QTMAN: variants seen among roughly 807,000 people sequenced by gnomAD.
QTMAN encodes the protein queuosine-tRNA mannosyltransferase.
the QTMAN span, among the ~76,000 whole-genome samples, chr2:144,132,033 CTGAATATTCAGGTGAATATATTCAGG>C: frequency 6.6e-6 from 1 of 151,772 alleles, no homozygotes; most frequent in African/African-American, 2.4e-5. Context: ...CTGAACATGC[CTGAATATTCAGGTGAATATATTCAGG>C]TGAATATTCA....
the QTMAN span, among the ~76,000 whole-genome samples, chr2:144,271,155 G>A: frequency 2.0e-5 from 3 of 152,150 alleles, no homozygotes; most frequent in Non-Finnish European, 4.4e-5. Context: ...TTCATAGGAA[G>A]GGTAAGTGTA....
the QTMAN span, among the ~76,000 whole-genome samples, chr2:143,961,890 T>C: frequency 6.6e-6 from 1 of 152,118 alleles, no homozygotes; most frequent in Non-Finnish European, 1.5e-5. Flanking sequence ...TACTTGCAGC[T>C]GGTGAATGTT....
chr2:144,110,149 C>T, the QTMAN span, among the ~76,000 whole-genome samples: 2 of 152,098 alleles, frequency 1.3e-5, no homozygotes, highest in African/African-American at 4.8e-5. Context: ...CCCAGATGTC[C>T]AACAATGATA....
the QTMAN span, among the ~76,000 whole-genome samples, chr2:144,134,365 C>T: frequency 6.6e-6 from 1 of 152,100 alleles, no homozygotes; most frequent in African/African-American, 2.4e-5. Context: ...ATTTCAGCTA[C>T]ATAGAAATGA....
the QTMAN span, among the ~76,000 whole-genome samples, chr2:144,320,148 A>G: frequency 1.6e-4 from 24 of 152,256 alleles, no homozygotes; most frequent in Admixed American, 1.6e-3. Context: ...ACTTCCATAA[A>G]TAAGGCTTTA....
the QTMAN span, among the ~76,000 whole-genome samples, chr2:144,158,977 G>C: frequency 6.6e-6 from 1 of 151,890 alleles, no homozygotes; most frequent in East Asian, 1.9e-4. Flanking sequence ...TTTACTTTCT[G>C]GCATTTAAAA....
At chr2:144,114,461 A>G in the QTMAN span, among the ~76,000 whole-genome samples, 2 of 152,226 alleles carry the variant, frequency 1.3e-5, no homozygotes, top group Admixed American at 1.3e-4. Context: ...TACACATTTC[A>G]TCAAATGCTA....
the QTMAN span, among the ~76,000 whole-genome samples, chr2:144,011,112 T>G: frequency 1.3e-5 from 2 of 152,158 alleles, no homozygotes; most frequent in African/African-American, 4.8e-5. Flanking sequence ...ATCTATTCAT[T>G]ATAGTGATTG....
the QTMAN span, among the ~76,000 whole-genome samples, chr2:143,987,676 T>C: frequency 6.6e-6 from 1 of 152,230 alleles, no homozygotes; most frequent in African/African-American, 2.4e-5. Flanking sequence ...TGCACATCCA[T>C]TCCTCCCTTG....
At chr2:144,083,768 TGGATACATCA>T in the QTMAN span, among the ~76,000 whole-genome samples, 7 of 151,456 alleles carry the variant, frequency 4.6e-5, no homozygotes, top group Non-Finnish European at 7.4e-5. Flanking sequence ...CTGTGTACTC[TGGATACATCA>T]AGGAACCTCG....
chr2:144,145,973 T>G, the QTMAN span: 1 of 91,924 alleles, frequency 1.1e-5, no homozygotes, highest in Non-Finnish European at 1.9e-5. Flanking sequence ...GTGCAGTTAC[T>G]GAGAAATGTT....
chr2:144,191,319 T>A, the QTMAN span, among the ~76,000 whole-genome samples: 2 of 152,196 alleles, frequency 1.3e-5, no homozygotes, highest in African/African-American at 4.8e-5. Context: ...AAAGTATTTC[T>A]ACTAAAATAA....
At chr2:144,173,653 T>C in the QTMAN span, among the ~76,000 whole-genome samples, 1 of 152,192 alleles carries the variant, frequency 6.6e-6, no homozygotes. Flanking sequence ...TTTCTGGCCT[T>C]TTGTGAGCAA....
the QTMAN span, among the ~76,000 whole-genome samples, chr2:144,042,967 A>G: frequency 6.6e-6 from 1 of 152,078 alleles, no homozygotes; most frequent in Non-Finnish European, 1.5e-5. Flanking sequence ...TAAGAGATCT[A>G]TTCAGAGCAC....
the QTMAN span, among the ~76,000 whole-genome samples, chr2:144,073,224 A>T: frequency 6.7e-6 from 1 of 149,928 alleles, no homozygotes; most frequent in African/African-American, 2.4e-5. Flanking sequence ...ACCTTTAAGG[A>T]TTAAACATAT....
At chr2:144,095,442 T>C in the QTMAN span, among the ~76,000 whole-genome samples, 3 of 152,142 alleles carry the variant, frequency 2.0e-5, no homozygotes, top group Non-Finnish European at 4.4e-5. Flanking sequence ...CTTTAGGAGG[T>C]TGGTCTCAAT....
the QTMAN span, among the ~76,000 whole-genome samples, chr2:144,173,578 A>G: frequency 1.3e-5 from 2 of 152,206 alleles, no homozygotes; most frequent in African/African-American, 2.4e-5. Flanking sequence ...ACTGACCCTC[A>G]GTTAAGACCA....
the QTMAN span, among the ~76,000 whole-genome samples, chr2:144,053,446 C>T: frequency 6.6e-6 from 1 of 152,156 alleles, no homozygotes; most frequent in Non-Finnish European, 1.5e-5. Context: ...TATACACACA[C>T]TTTTTATTAT....
chr2:144,066,784 C>T, the QTMAN span, among the ~76,000 whole-genome samples: 1 of 152,206 alleles, frequency 6.6e-6, no homozygotes, highest in African/African-American at 2.4e-5. Context: ...CCACTGCACT[C>T]CAGCCTAGGT....
Sources: allele counts gnomAD v4.1 joint callset (sites outside exome capture counted in the v4.1 genomes callset), GRCh38; gene constraint gnomAD v4.1.1; transcripts MANE v1.5; gene names NCBI Gene and HGNC (gene_info 2026-07-23, HGNC 2026-07-21).